Variants in USP45 observed in about 807,000 individuals in gnomAD.
USP45 encodes the protein ubiquitin carboxyl-terminal hydrolase 45.
A neutral mutation model predicts 95.8 loss-of-function variants in USP45; 89 were observed. That is an observed-to-expected ratio of 0.93 (90% confidence interval 0.78 to 1.11). The LOEUF is 1.11. Ranked by LOEUF, USP45 falls within the 50% of genes least tolerant of loss-of-function variation. USP45 has a pLI of 0.00. For synonymous variants in USP45, 281 were observed against 316.2 expected (o/e 0.89, Z 1.18); for missense variants, 898 against 942.5 (o/e 0.95, Z 0.62).
rs200670778 is a variant in USP45, at chr6:99,488,211, C to G, written c.703G>C (p.Asp235His). Reference sequence around the variant, plus strand: ...CAGTTATTACTCACCAGCTGAGAGTCTGAGGAAGGAAAAATCTTGAGTTTT... The same window carrying G: ...CAGTTATTACTCACCAGCTGAGAGTGTGAGGAAGGAAAAATCTTGAGTTTT... ...STKLKIFPSSDSQLDPLVVEL... is the reference protein window; with the variant it reads ...STKLKIFPSSHSQLDPLVVEL... The change falls in exon 7 of 18, where the codon GAC becomes CAC. Residue 235 changes from aspartate (D) to histidine (H), a missense_variant. By Grantham distance (81) the Asp-to-His change is moderately conservative. Coordinates refer to ENST00000500704, the MANE Select transcript of USP45 (RefSeq NM_001346022.3). 41 of 1,608,520 alleles carry G rather than the reference C, an allele frequency of 2.5e-5. No homozygotes were observed. In the East Asian group the frequency reaches 7.2e-4, roughly 28 times the overall value.
Position 99,482,793 on chromosome 6 carries a change from G to T in USP45, c.805C>A (p.Pro269Thr). 2 of 1,605,596 alleles carry T rather than the reference G, an allele frequency of 1.2e-6. No individual in the cohort carries two copies. The highest frequency in any genetic ancestry group is 1.7e-6 in the Non-Finnish European group (2 of 1,175,454). Residue 269 changes from proline to threonine, a missense_variant, in exon 8 of 18, where the codon CCA becomes ACA. Coordinates refer to ENST00000500704, the MANE Select transcript of USP45 (RefSeq NM_001346022.3). Reference sequence around the variant, plus strand: ...TTAAAAAGAACTTTAGGAGAAAGTGGTCCTTTTTCAGTCTCCTTCATGCTG... The same window carrying T: ...TTAAAAAGAACTTTAGGAGAAAGTGTTCCTTTTTCAGTCTCCTTCATGCTG... Reference protein sequence around the residue: ...LHSMKETEKGPLSPKVLFNQL... With the variant: ...LHSMKETEKGTLSPKVLFNQL...
intron 9 of USP45, among the ~76,000 whole-genome samples, chr6:99,475,773 C>A (rs528715130): frequency 6.9e-4 from 105 of 151,816 alleles, no homozygotes; most frequent in African/African-American, 2.3e-3. Flanking sequence ...TAAATTATTT[C>A]TCAACTGTAC....
At chr6:99,498,039 C>T (rs954477834) in intron 5 of USP45, among the ~76,000 whole-genome samples, 1 of 152,182 alleles carries the variant, frequency 6.6e-6, no homozygotes, top group South Asian at 2.1e-4. Flanking sequence ...CACGGTCCCT[C>T]GTACTTGCTC....
chr6:99,502,147 C>T, intron 5 of USP45: 1 of 990,548 alleles, frequency 1.0e-6, no homozygotes, highest in South Asian at 2.0e-5. Flanking sequence ...CTCCAGTGAG[C>T]TTCCTTGGTT....
intron 8 of USP45, among the ~76,000 whole-genome samples, chr6:99,480,586 C>T (rs1026161056): frequency 1.3e-5 from 2 of 151,950 alleles, no homozygotes; most frequent in African/African-American, 4.8e-5. Context: ...ATTGCTTGAA[C>T]CCAGGAGGTG....
intron 13 of USP45, among the ~76,000 whole-genome samples, chr6:99,456,253 A>C (rs1785070546): frequency 1.3e-5 from 2 of 151,948 alleles, no homozygotes; most frequent in Admixed American, 1.3e-4. Context: ...GAGGTATGTT[A>C]GTGAGTACAA....
chr6:99,434,483 T>C lies in USP45; in HGVS notation c.*1233A>G, dbSNP rs1282666893. The C allele has an allele frequency of 6.6e-6, 1 of 152,188 alleles. No individual in the cohort carries two copies. The highest frequency in any genetic ancestry group is 2.4e-5 in the African/African-American group (1 of 41,450). 9.4% of individuals were successfully genotyped at this position (152,188 alleles called of 1,614,324 possible). On this transcript the variant is annotated 3_prime_UTR_variant, in exon 18 of 18. Coordinates refer to ENST00000500704, the MANE Select transcript of USP45 (RefSeq NM_001346022.3). ...CAATATGACACTGAAGTAGCCATTA[T>C]CTTTTGATATTTAAGCCTAAGTAAT...
chr6:99,472,041 T>C lies in USP45; in HGVS notation c.934-3423A>G, dbSNP rs140112947. Among the ~76,000 whole-genome samples, 286 of 152,270 alleles carry C rather than the reference T, an allele frequency of 1.9e-3. 2 individuals carry two copies. The highest frequency in any genetic ancestry group is 6.6e-3 in the African/African-American group (274 of 41,554). On this transcript the variant is annotated intron_variant, in intron 9 of 17. Transcript: ENST00000500704. ...GCTGGGCTGCCTAAGATACTGTGCA[T>C]CCCAATGCACCATTACGACTAAACA... is the stretch of plus-strand genomic sequence containing the variant.
At chr6:99,461,684 A>T in intron 13 of USP45, 1 of 984,760 alleles carries the variant, frequency 1.0e-6, no homozygotes, top group Middle Eastern at 5.2e-4. Flanking sequence ...GAGATAACTC[A>T]TATAATTTGG....
chr6:99,472,180 T>C (rs922532756), intron 9 of USP45, among the ~76,000 whole-genome samples: 10 of 151,592 alleles, frequency 6.6e-5, no homozygotes, highest in Non-Finnish European at 1.2e-4. Context: ...CCCCAAGACA[T>C]AATTTTAATC....
At chr6:99,508,819 G>A (rs369269324) in intron 2 of USP45, 37 bp from the exon 3 acceptor site, 44 of 1,563,022 alleles carry the variant, frequency 2.8e-5, no homozygotes, top group Non-Finnish European at 3.6e-5. Flanking sequence ...CATTTTCTTT[G>A]CTACACCAAA....
chr6:99,491,752 A>G (rs1795217010), intron 5 of USP45, among the ~76,000 whole-genome samples: 1 of 152,078 alleles, frequency 6.6e-6, no homozygotes, highest in Admixed American at 6.6e-5. Context: ...CTCCTCAAAA[A>G]TATCTTTTTT....
chr6:99,449,928 CTACTGGT>C (rs1783472353), intron 13 of USP45, among the ~76,000 whole-genome samples: 1 of 152,212 alleles, frequency 6.6e-6, no homozygotes, highest in South Asian at 2.1e-4. Context: ...TCCTGAATGA[CTACTGGT>C]TACATAACGA....
At chr6:99,447,514 TACTA>T (rs1782792950) in intron 13 of USP45, among the ~76,000 whole-genome samples, 3 of 152,172 alleles carry the variant, frequency 2.0e-5, no homozygotes, top group Admixed American at 2.0e-4. Context: ...ATACATATAA[TACTA>T]ACAGTTGGTA....
At chr6:99,515,042 C>A (rs955196988) in intron 1 of USP45, 27 of 152,326 alleles carry the variant, frequency 1.8e-4, no homozygotes, top group African/African-American at 6.5e-4. Flanking sequence ...CTCCGGTCAC[C>A]AACACACACA....
At chr6:99,464,262 C>T (rs1787321814) in intron 13 of USP45, among the ~76,000 whole-genome samples, 1 of 152,176 alleles carries the variant, frequency 6.6e-6, no homozygotes, top group African/African-American at 2.4e-5. Flanking sequence ...GCTGAGATTG[C>T]ACCATTGCAC....
intron 10 of USP45, 25 bp from the exon 11 acceptor site, chr6:99,466,788 C>CA (rs1405194027): frequency 7.6e-6 from 12 of 1,574,624 alleles, no homozygotes; most frequent in Non-Finnish European, 9.6e-6. Flanking sequence ...CTTTTTAATG[C>CA]AAAAAACATG....
chr6:99,463,586 G>A (rs11154867), intron 13 of USP45, among the ~76,000 whole-genome samples: 46,097 of 151,772 alleles, frequency 0.3, 7,289 homozygotes, highest in Middle Eastern at 0.39. Flanking sequence ...GGCTGAGGCG[G>A]GTGGATCATG....
chr6:99,488,866 T>C, intron 5 of USP45, 46 bp from the exon 6 acceptor site: 2 of 1,408,560 alleles, frequency 1.4e-6, no homozygotes, highest in Non-Finnish European at 1.9e-6. Context: ...TAAAGATAAA[T>C]ATGTCACTTA....
Sources: gnomAD v4.1 joint callset for allele counts (sites outside exome capture counted in the v4.1 genomes callset) on GRCh38, gnomAD v4.1.1 for gene constraint, MANE v1.5 for transcripts, NCBI Gene and HGNC (gene_info 2026-07-23, HGNC 2026-07-21) for gene names.